The following ENTREP2 variants were observed in gnomAD, a reference collection of about 807,000 sequenced individuals.
The protein encoded by ENTREP2 is protein ENTREP2.
the ENTREP2 span, among the ~76,000 whole-genome samples, chr15:29,529,980 G>T: frequency 1.3e-5 from 2 of 152,074 alleles, no homozygotes; most frequent in Admixed American, 1.3e-4. Context: ...CTTTTGCATG[G>T]ATTCTTCACC....
chr15:29,345,763 G>A, the ENTREP2 span, among the ~76,000 whole-genome samples: 552 of 152,108 alleles, frequency 3.6e-3, 2 homozygotes, highest in Non-Finnish European at 5.3e-3. Flanking sequence ...CCCCAGCGGG[G>A]AGAGCTGTTA....
At chr15:29,571,394 G>T in the ENTREP2 span, among the ~76,000 whole-genome samples, 1 of 152,212 alleles carries the variant, frequency 6.6e-6, no homozygotes, top group South Asian at 2.1e-4. Context: ...CGGGGAGACG[G>T]GCTGGGAGCA....
the ENTREP2 span, among the ~76,000 whole-genome samples, chr15:29,197,623 C>T: frequency 4.0e-5 from 6 of 151,890 alleles, no homozygotes; most frequent in Admixed American, 6.6e-5. Context: ...AAAATTAGCT[C>T]GGCGTGGTGC....
chr15:29,223,489 G>A, the ENTREP2 span, among the ~76,000 whole-genome samples: 50,434 of 152,056 alleles, frequency 0.33, 9,897 homozygotes, highest in East Asian at 0.6. Flanking sequence ...ACATGCTAGC[G>A]GGGAGTCCAG....
At chr15:29,385,947 G>A in the ENTREP2 span, among the ~76,000 whole-genome samples, 2 of 152,266 alleles carry the variant, frequency 1.3e-5, no homozygotes, top group African/African-American at 4.8e-5. Flanking sequence ...ACACTGGCAG[G>A]CCACTGACGG....
the ENTREP2 span, among the ~76,000 whole-genome samples, chr15:29,329,574 T>C: frequency 6.6e-6 from 1 of 152,070 alleles, no homozygotes; most frequent in Non-Finnish European, 1.5e-5. Context: ...GCACTGAGAT[T>C]TTGGTTTCTA....
At chr15:29,388,867 A>G in the ENTREP2 span, among the ~76,000 whole-genome samples, 1 of 150,682 alleles carries the variant, frequency 6.6e-6, no homozygotes, top group African/African-American at 2.4e-5. Context: ...CGCAAGGACA[A>G]AAAACCAAAC....
the ENTREP2 span, among the ~76,000 whole-genome samples, chr15:29,219,792 C>T: frequency 2.8e-4 from 42 of 151,300 alleles, no homozygotes; most frequent in African/African-American, 9.2e-4. Context: ...TATGTTCTCA[C>T]TAATATGTGG....
chr15:29,401,829 T>A, the ENTREP2 span, among the ~76,000 whole-genome samples: 1 of 152,178 alleles, frequency 6.6e-6, no homozygotes, highest in South Asian at 2.1e-4. Flanking sequence ...TTTATGCCAC[T>A]GTGGAATGAT....
the ENTREP2 span, among the ~76,000 whole-genome samples, chr15:29,516,968 CAAAAAA>C: frequency 4.5e-5 from 4 of 88,660 alleles, no homozygotes; most frequent in Admixed American, 1.2e-4. Flanking sequence ...AATTATGAGC[CAAAAAA>C]AAAAAAAAAA....
At chr15:29,594,849 G>A in the ENTREP2 span, among the ~76,000 whole-genome samples, 1 of 151,714 alleles carries the variant, frequency 6.6e-6, no homozygotes, top group Non-Finnish European at 1.5e-5. Context: ...GGCGGATCAC[G>A]AGGTCAGGAG....
At chr15:29,159,660 A>G in the ENTREP2 span, among the ~76,000 whole-genome samples, 2 of 151,364 alleles carry the variant, frequency 1.3e-5, no homozygotes, top group African/African-American at 4.9e-5. Flanking sequence ...TACAGTGTCC[A>G]CACAAAGGCT....
chr15:29,501,860 T>C, the ENTREP2 span, among the ~76,000 whole-genome samples: 2 of 152,076 alleles, frequency 1.3e-5, no homozygotes, highest in Middle Eastern at 3.4e-3. Context: ...TAAAAATCAG[T>C]TGTATTTGTA....
At chr15:29,133,138 G>A in the ENTREP2 span, among the ~76,000 whole-genome samples, 1 of 152,202 alleles carries the variant, frequency 6.6e-6, no homozygotes, top group Admixed American at 6.5e-5. Flanking sequence ...CTTCCCTCAC[G>A]GAGGGCCCTG....
the ENTREP2 span, chr15:29,569,810 A>T: frequency 6.6e-6 from 1 of 152,390 alleles, no homozygotes; most frequent in African/African-American, 2.4e-5. Context: ...GGTCATCCTT[A>T]AGGTCTGGAG....
chr15:29,139,384 C>T, the ENTREP2 span, among the ~76,000 whole-genome samples: 1 of 152,240 alleles, frequency 6.6e-6, no homozygotes, highest in Non-Finnish European at 1.5e-5. Flanking sequence ...TGTGGTCCTC[C>T]GCCTTGGAGG....
At chr15:29,223,508 GACAC>G in the ENTREP2 span, among the ~76,000 whole-genome samples, 1 of 152,206 alleles carries the variant, frequency 6.6e-6, no homozygotes, top group East Asian at 1.9e-4. Flanking sequence ...AGTGGACACA[GACAC>G]ACATACATGG....
At chr15:29,561,533 A>G in the ENTREP2 span, among the ~76,000 whole-genome samples, 1 of 151,980 alleles carries the variant, frequency 6.6e-6, no homozygotes, top group African/African-American at 2.4e-5. Context: ...TAAAAATACA[A>G]AAGAATTAGC....
chr15:29,622,317 T>A, the ENTREP2 span, among the ~76,000 whole-genome samples: 1 of 152,140 alleles, frequency 6.6e-6, no homozygotes, highest in Admixed American at 6.5e-5. Flanking sequence ...GCAATTCTCC[T>A]GCTTCAGCCT....
Sources: gnomAD v4.1 joint callset for allele counts (sites outside exome capture counted in the v4.1 genomes callset) on GRCh38, gnomAD v4.1.1 for gene constraint, MANE v1.5 for transcripts, NCBI Gene and HGNC (gene_info 2026-07-23, HGNC 2026-07-21) for gene names.